CPEB3: variants seen among roughly 807,000 people sequenced by gnomAD.
The protein encoded by CPEB3 is cytoplasmic polyadenylation element-binding protein 3.
In CPEB3, 20 loss-of-function variants were observed where a neutral mutation model predicts 67.2. The observed-to-expected ratio is 0.30, with a 90% confidence interval of 0.21 to 0.43. The LOEUF is 0.43. Ranked by LOEUF, CPEB3 falls within the 20% of genes least tolerant of loss-of-function variation. CPEB3 has a pLI of 1.00. For synonymous variants in CPEB3, 376 were observed against 393.1 expected (o/e 0.96, Z 0.51); for missense variants, 746 against 968.6 (o/e 0.77, Z 3.05).
chr10:92,052,529 G>A (rs1361025185), intron 9 of CPEB3, 90 bp from the exon 10 acceptor site: 12 of 1,103,058 alleles, frequency 1.1e-5, no homozygotes, highest in African/African-American at 3.1e-5. Flanking sequence ...TAGCTTCAAC[G>A]TATGTCTCAA....
At chr10:92,251,946 GAAAA>G (rs78326888) in intron 1 of CPEB3, among the ~76,000 whole-genome samples, 1 of 86,984 alleles carries the variant, frequency 1.1e-5, no homozygotes, top group African/African-American at 4.3e-5. Flanking sequence ...ATCTCAAAAA[GAAAA>G]AAAAAAAAAA....
At chr10:92,254,536 C>G (rs1486852943) in intron 1 of CPEB3, among the ~76,000 whole-genome samples, 1 of 152,138 alleles carries the variant, frequency 6.6e-6, no homozygotes, top group Admixed American at 6.5e-5. Flanking sequence ...GTTTCTCACT[C>G]TCTGTTTGTT....
intron 7 of CPEB3, among the ~76,000 whole-genome samples, chr10:92,109,314 G>A (rs541469025): frequency 2.7e-4 from 41 of 151,086 alleles, no homozygotes; most frequent in African/African-American, 9.0e-4. Context: ...ATGCAATGAC[G>A]CGATCTCGGC....
rs1405401439 is a variant in CPEB3, at chr10:92,192,502, A to G, written c.1140T>C (p.Asp380=). 1.2e-6 allele frequency: 2 copies of G among 1,614,092 alleles called. No homozygotes were observed. Among genetic ancestry groups the G allele is most frequent in the Admixed American group, 3.3e-5 (2 of 60,014 alleles). The stretch of plus-strand genomic sequence containing the variant: ...CTGCAAAATGATTCCTCCACATTAT[A>G]TCAGCGAAACTCATTGGTGGGCCAC... ...PPSGPPMSFA[D]IMWRNHFAGR... Residue 380 remains aspartate, a synonymous_variant, in exon 3 of 10, where the codon GAT becomes GAC. Coordinates refer to ENST00000265997, the MANE Select transcript of CPEB3 (RefSeq NM_014912.5).
intron 8 of CPEB3, among the ~76,000 whole-genome samples, chr10:92,089,718 G>A (rs541185846): frequency 1.3e-5 from 2 of 152,232 alleles, no homozygotes; most frequent in East Asian, 1.9e-4. Context: ...GGGAGGTGGA[G>A]GTTGCAGTGA....
At chr10:92,080,552 A>T (rs1302514984) in intron 9 of CPEB3, among the ~76,000 whole-genome samples, 1 of 152,058 alleles carries the variant, frequency 6.6e-6, no homozygotes, top group Non-Finnish European at 1.5e-5. Flanking sequence ...AGGGAAAAGC[A>T]GCTATTTGAC....
At chr10:92,143,376 T>G (rs1290382952) in intron 5 of CPEB3, among the ~76,000 whole-genome samples, 7 of 152,150 alleles carry the variant, frequency 4.6e-5, no homozygotes, top group Admixed American at 2.0e-4. Flanking sequence ...ACATAAAGAA[T>G]TTGGAAGAAA....
chr10:92,176,948 ATTTGT>A (rs968135492), intron 4 of CPEB3, among the ~76,000 whole-genome samples: 17 of 152,366 alleles, frequency 1.1e-4, no homozygotes, highest in African/African-American at 4.1e-4. Flanking sequence ...ACATTATGAG[ATTTGT>A]TTTAAGACAA....
At chr10:92,220,900 T>C (rs994372519) in intron 2 of CPEB3, among the ~76,000 whole-genome samples, 1 of 152,210 alleles carries the variant, frequency 6.6e-6, no homozygotes, top group Non-Finnish European at 1.5e-5. Context: ...AAGTCTAGCA[T>C]GCTTCTCTGA....
At chr10:92,113,131 T>C (rs1349110095) in intron 6 of CPEB3, among the ~76,000 whole-genome samples, 1 of 152,202 alleles carries the variant, frequency 6.6e-6, no homozygotes, top group Non-Finnish European at 1.5e-5. Flanking sequence ...GGCAGCCATG[T>C]AGTTGCAAGA....
intron 2 of CPEB3, among the ~76,000 whole-genome samples, chr10:92,220,828 G>C (rs971185784): frequency 6.6e-6 from 1 of 152,172 alleles, no homozygotes; most frequent in Non-Finnish European, 1.5e-5. Context: ...ATTCTAGCCT[G>C]TAAGTAGTAG....
chr10:92,116,343 C>T (rs924846085), intron 6 of CPEB3, among the ~76,000 whole-genome samples: 6 of 151,426 alleles, frequency 4.0e-5, no homozygotes, highest in Admixed American at 3.9e-4. Flanking sequence ...AACCTAGATA[C>T]TGAAGAAAAG....
intron 1 of CPEB3, among the ~76,000 whole-genome samples, chr10:92,278,022 A>G (rs1842073060): frequency 6.6e-6 from 1 of 151,748 alleles, no homozygotes; most frequent in African/African-American, 2.4e-5. Context: ...ATCTCTACTA[A>G]AAATACAAAA....
rs528932426 is a variant in CPEB3 at position 92,199,872 on chromosome 10, G to A, written c.1006-7236C>T. On this transcript the variant is annotated intron_variant, in intron 2 of 9. Coordinates refer to ENST00000265997, the MANE Select transcript of CPEB3 (RefSeq NM_014912.5). ...AATAGATATTCATTACATAATATACGAACCTATTTTTCTCCAAACACACAG... is the reference window on the plus strand; with the variant it reads ...AATAGATATTCATTACATAATATACAAACCTATTTTTCTCCAAACACACAG... Among the ~76,000 whole-genome samples, 274 of 145,122 alleles carry A rather than the reference G, an allele frequency of 1.9e-3. 1 individual carries two copies. Among genetic ancestry groups the A allele is most frequent in the African/African-American group, 6.9e-3 (264 of 38,004 alleles).
intron 1 of CPEB3, among the ~76,000 whole-genome samples, chr10:92,289,732 A>AATATATATATATATAT (rs71025390): frequency 5.3e-5 from 4 of 75,772 alleles, no homozygotes; most frequent in African/African-American, 1.5e-4. Flanking sequence ...AAAAAAAAAA[A>AATATATATATATATAT]ATATATATAT....
intron 7 of CPEB3, among the ~76,000 whole-genome samples, chr10:92,099,196 C>A (rs1844049213): frequency 6.7e-6 from 1 of 148,240 alleles, no homozygotes. Flanking sequence ...CTAGGAAAAA[C>A]AAGACATGCA....
At chr10:92,205,840 T>C (rs1465602855) in intron 2 of CPEB3, among the ~76,000 whole-genome samples, 1 of 152,154 alleles carries the variant, frequency 6.6e-6, no homozygotes, top group African/African-American at 2.4e-5. Flanking sequence ...TTATGTGTTA[T>C]GTAAGCATTC....
chr10:92,131,779 A>C (rs1845853620), intron 6 of CPEB3, among the ~76,000 whole-genome samples: 2 of 152,194 alleles, frequency 1.3e-5, no homozygotes, highest in Non-Finnish European at 2.9e-5. Flanking sequence ...GAGTCAACAT[A>C]CGTTTTCTGT....
In CPEB3 at chr10:92,059,476, A is replaced by G. The variant is rs142010764; in HGVS notation, c.1870-7037T>C. On this transcript the variant is annotated intron_variant, in intron 9 of 9. Coordinates refer to ENST00000265997, the MANE Select transcript of CPEB3 (RefSeq NM_014912.5). ...ACAACATACCAAAACCTATGGATAC[A>G]GCAAAAGCAGTACTAAGAGGAAAGT... 2.5e-3 allele frequency among the ~76,000 whole-genome samples: 383 copies of G among 152,266 alleles called. 1 individual carries two copies. Among genetic ancestry groups the G allele is most frequent in the South Asian group, 5.8e-3 (28 of 4,832 alleles).
Sources: allele counts gnomAD v4.1 joint callset (sites outside exome capture counted in the v4.1 genomes callset), GRCh38; gene constraint gnomAD v4.1.1; transcripts MANE v1.5; gene names NCBI Gene and HGNC (gene_info 2026-07-23, HGNC 2026-07-21).